RHOBTB3: variants seen among roughly 807,000 people sequenced by gnomAD.
RHOBTB3 encodes the protein rho-related BTB domain-containing protein 3.
A neutral mutation model predicts 67.2 loss-of-function variants in RHOBTB3; 47 were observed. The ratio of observed to expected loss-of-function variants is 0.70; its 90% CI spans 0.55 to 0.89. RHOBTB3 has a LOEUF of 0.89. Among genes scored for constraint, RHOBTB3 ranks in the 40% least tolerant of loss-of-function variants. The probability of loss-of-function intolerance (pLI) is 0.00; values close to 1 mark genes in which losing one functional copy is unlikely to be tolerated. For synonymous variants in RHOBTB3, 273 were observed against 274.2 expected (o/e 1.00, Z 0.04); for missense variants, 631 against 750.0 (o/e 0.84, Z 1.85).
chr5:95,734,821 C>G (rs1451192974), intron 2 of RHOBTB3, among the ~76,000 whole-genome samples: 1 of 152,174 alleles, frequency 6.6e-6, no homozygotes, highest in Non-Finnish European at 1.5e-5. Context: ...TCTTCACATC[C>G]TCAATCCCAC....
At chr5:95,783,561 CAAAAAAAAAAA>C (rs201633409) in intron 9 of RHOBTB3, 1,588 of 107,384 alleles carry the variant, frequency 0.015, 3 homozygotes, top group East Asian at 0.027. Flanking sequence ...CCTGTCTCTA[CAAAAAAAAAAA>C]AAAAAAAAAA....
upstream of RHOBTB3, among the ~76,000 whole-genome samples, chr5:95,729,056 A>T (rs1755142113): frequency 6.6e-6 from 1 of 152,232 alleles, no homozygotes; most frequent in African/African-American, 2.4e-5. Context: ...TTTCCAGAAA[A>T]ACTCATGAAT....
intron 7 of RHOBTB3, among the ~76,000 whole-genome samples, chr5:95,767,328 T>C (rs1476520577): frequency 5.0e-5 from 7 of 141,366 alleles, no homozygotes; most frequent in Non-Finnish European, 1.5e-5. Flanking sequence ...TAAGGGAAAG[T>C]TGTATTTTTC....
upstream of RHOBTB3, chr5:95,731,131 T>C (rs1437534629): frequency 9.7e-7 from 1 of 1,026,670 alleles, no homozygotes; most frequent in Non-Finnish European, 1.2e-6. Context: ...TATTAATTTA[T>C]ATTCCGCGGC....
intron 8 of RHOBTB3, among the ~76,000 whole-genome samples, chr5:95,776,372 A>G (rs1183818383): frequency 6.6e-6 from 1 of 152,010 alleles, no homozygotes; most frequent in Non-Finnish European, 1.5e-5. Context: ...ATACCACTTT[A>G]CTCTAGCCGG....
At chr5:95,765,834 T>C (rs919285472) in intron 7 of RHOBTB3, among the ~76,000 whole-genome samples, 11 of 152,256 alleles carry the variant, frequency 7.2e-5, no homozygotes, top group African/African-American at 2.2e-4. Context: ...GCTAATGTTT[T>C]TGTATTTTGA....
chr5:95,727,555 G>A (rs1348664004), upstream of RHOBTB3, among the ~76,000 whole-genome samples: 1 of 152,152 alleles, frequency 6.6e-6, no homozygotes, highest in Non-Finnish European at 1.5e-5. Flanking sequence ...AAAAAATATT[G>A]TTTGGGTTGG....
chr5:95,731,787 C>T (rs1009498156), intron 1 of RHOBTB3, 72 bp from the exon 2 acceptor site: 8 of 1,603,864 alleles, frequency 5.0e-6, no homozygotes, highest in African/African-American at 1.3e-5. Context: ...GTCCCCCGCA[C>T]TTCCTGTTCC....
Position 95,793,673 on chromosome 5 carries a change from C to A in RHOBTB3, c.*499C>A. The A allele has an allele frequency of 5.4e-6, 1 of 185,068 alleles. No homozygotes were observed. The highest frequency in any genetic ancestry group is 1.1e-5 in the Non-Finnish European group (1 of 87,054). 11.5% of individuals were successfully genotyped at this position (185,068 alleles called of 1,614,324 possible). ...GCCGGCCATTTGGAAAGTGAAATGC[C>A]ACTTAGTTCTCAATTGATGACAGTG... On this transcript the variant is annotated 3_prime_UTR_variant, in exon 12 of 12. Transcript: ENST00000379982.
intron 8 of RHOBTB3, among the ~76,000 whole-genome samples, chr5:95,771,308 A>G (rs1401478268): frequency 6.6e-6 from 1 of 152,280 alleles, no homozygotes; most frequent in Non-Finnish European, 1.5e-5. Context: ...CTAATTTAAT[A>G]GTAGAATTGT....
At chr5:95,770,372 C>A in intron 8 of RHOBTB3, 1 of 239,518 alleles carries the variant, frequency 4.2e-6, no homozygotes, top group South Asian at 6.7e-5. Context: ...TCATTAACTC[C>A]AACTAATAAA....
At chr5:95,740,031 C>T (rs190762738) in intron 3 of RHOBTB3, among the ~76,000 whole-genome samples, 29 of 152,268 alleles carry the variant, frequency 1.9e-4, no homozygotes, top group Admixed American at 5.2e-4. Context: ...GTGGTTGAAT[C>T]ATGGGAGCGG....
At chr5:95,790,420 A>G (rs897953661) in intron 11 of RHOBTB3, among the ~76,000 whole-genome samples, 3 of 152,240 alleles carry the variant, frequency 2.0e-5, no homozygotes, top group African/African-American at 7.2e-5. Flanking sequence ...ATTATTTTCT[A>G]CTTACTATCT....
chr5:95,776,365 C>T (rs1745880899), intron 8 of RHOBTB3, among the ~76,000 whole-genome samples: 1 of 151,776 alleles, frequency 6.6e-6, no homozygotes, highest in East Asian at 1.9e-4. Context: ...TAAGATCATA[C>T]CACTTTACTC....
intron 4 of RHOBTB3, among the ~76,000 whole-genome samples, chr5:95,748,698 T>A (rs1375074537): frequency 5.3e-5 from 8 of 152,164 alleles, no homozygotes; most frequent in Admixed American, 5.2e-4. Context: ...TTTAATATGA[T>A]ATTTTGGAAT....
At chr5:95,758,050 A>C (rs998310354) in intron 6 of RHOBTB3, among the ~76,000 whole-genome samples, 2 of 152,190 alleles carry the variant, frequency 1.3e-5, no homozygotes, top group African/African-American at 4.8e-5. Flanking sequence ...AAATTACATG[A>C]ATTATTCAGT....
intron 5 of RHOBTB3, 31 bp downstream of exon 5, chr5:95,752,381 A>G (rs750286498): frequency 3.0e-6 from 4 of 1,334,716 alleles, no homozygotes; most frequent in Non-Finnish European, 4.3e-6. Context: ...CTAGACATTC[A>G]TTAAACATTC....
chr5:95,779,610 C>T (rs1372711124), intron 8 of RHOBTB3, among the ~76,000 whole-genome samples: 1 of 152,212 alleles, frequency 6.6e-6, no homozygotes, highest in African/African-American at 2.4e-5. Flanking sequence ...AGCACTGGCT[C>T]TCCCAGCAGC....
upstream of RHOBTB3, among the ~76,000 whole-genome samples, chr5:95,728,482 C>T (rs1368225858): frequency 1.3e-5 from 2 of 152,200 alleles, no homozygotes; most frequent in Non-Finnish European, 2.9e-5. Context: ...GAACTTCTGA[C>T]ACAGAAAGCA....
Sources: allele counts gnomAD v4.1 joint callset (sites outside exome capture counted in the v4.1 genomes callset), GRCh38; gene constraint gnomAD v4.1.1; transcripts MANE v1.5; gene names NCBI Gene and HGNC (gene_info 2026-07-23, HGNC 2026-07-21).